ARHGAP10: variants seen among roughly 807,000 people sequenced by gnomAD.
ARHGAP10 encodes the protein Rho GTPase activating protein 10.
In ARHGAP10, 87 loss-of-function variants were observed where a neutral mutation model predicts 108.6. The ratio of observed to expected loss-of-function variants is 0.80; its 90% CI spans 0.67 to 0.96. ARHGAP10 has a LOEUF of 0.96. ARHGAP10 is among the 40% of genes least tolerant of loss of function. The pLI is 0.00. For synonymous variants in ARHGAP10, 347 were observed against 341.1 expected, an observed-to-expected ratio of 1.02 and a Z score of -0.19; for missense variants, 939 against 954.5, an observed-to-expected ratio of 0.98 and a Z score of 0.21.
chr4:148,071,276 G>A (rs1039360965), intron 22 of ARHGAP10, among the ~76,000 whole-genome samples: 4 of 152,228 alleles, frequency 2.6e-5, no homozygotes, highest in African/African-American at 7.2e-5. Context: ...CTGGAGGGGC[G>A]GCTGGAGCCA....
chr4:147,972,730 A>G (rs1739457513), intron 18 of ARHGAP10, among the ~76,000 whole-genome samples: 1 of 151,412 alleles, frequency 6.6e-6, no homozygotes, highest in South Asian at 2.1e-4. Context: ...AACCAGTGGC[A>G]TGAGTGAGCT....
intron 17 of ARHGAP10, among the ~76,000 whole-genome samples, chr4:147,966,138 C>G (rs966523093): frequency 6.6e-6 from 1 of 152,118 alleles, no homozygotes; most frequent in Non-Finnish European, 1.5e-5. Context: ...GTCTAGTATT[C>G]CTTGGAAGCA....
chr4:147,784,799 T>A (rs867966616), intron 1 of ARHGAP10, among the ~76,000 whole-genome samples: 5 of 22,268 alleles, frequency 2.2e-4, no homozygotes, highest in African/African-American at 3.2e-4. Context: ...ATATATATTA[T>A]AAATATAATA....
At chr4:147,806,495 G>T (rs1025112217) in intron 1 of ARHGAP10, among the ~76,000 whole-genome samples, 2 of 151,432 alleles carry the variant, frequency 1.3e-5, no homozygotes, top group Admixed American at 6.6e-5. Context: ...CTGTTTTTGG[G>T]GGGGCGGGGG....
intron 1 of ARHGAP10, among the ~76,000 whole-genome samples, chr4:147,768,546 T>G (rs923975420): frequency 6.6e-6 from 1 of 152,200 alleles, no homozygotes; most frequent in Non-Finnish European, 1.5e-5. Context: ...GAATTTTACT[T>G]ACTAAATTTT....
intron 1 of ARHGAP10, among the ~76,000 whole-genome samples, chr4:147,783,261 T>A (rs951466249): frequency 6.9e-6 from 1 of 144,906 alleles, no homozygotes; most frequent in Non-Finnish European, 1.5e-5. Flanking sequence ...TTATGTATTG[T>A]ATAATTTATA....
chr4:147,895,162 AT>A (rs955771863), intron 10 of ARHGAP10, among the ~76,000 whole-genome samples: 164 of 146,908 alleles, frequency 1.1e-3, no homozygotes, highest in African/African-American at 2.4e-3. Context: ...AGTCATGGGC[AT>A]TTTTTTTTTG....
intron 3 of ARHGAP10, among the ~76,000 whole-genome samples, chr4:147,825,642 A>C (rs181291501): frequency 2.0e-5 from 3 of 152,318 alleles, no homozygotes; most frequent in Admixed American, 2.0e-4. Context: ...TGTAGTCATC[A>C]ATTTTTCAGC....
intron 13 of ARHGAP10, among the ~76,000 whole-genome samples, chr4:147,924,765 T>C (rs933005741): frequency 1.3e-5 from 2 of 152,206 alleles, no homozygotes; most frequent in African/African-American, 4.8e-5. Flanking sequence ...TCTCTGTGTC[T>C]TTATCATCTG....
intron 18 of ARHGAP10, among the ~76,000 whole-genome samples, chr4:148,010,106 CTTTT>C (rs542731795): frequency 6.6e-6 from 1 of 151,264 alleles, no homozygotes. Context: ...TTCCCCTCCA[CTTTT>C]TTTTTGTCAT....
chr4:147,918,604 GC>G (rs1395555702), intron 13 of ARHGAP10, among the ~76,000 whole-genome samples: 1 of 152,044 alleles, frequency 6.6e-6, no homozygotes, highest in Non-Finnish European at 1.5e-5. Flanking sequence ...CTTTCTGTTG[GC>G]CATCCCTGGT....
intron 13 of ARHGAP10, among the ~76,000 whole-genome samples, chr4:147,921,147 A>G (rs1737215578): frequency 6.6e-6 from 1 of 152,252 alleles, no homozygotes; most frequent in Admixed American, 6.5e-5. Context: ...TAGATAGTGC[A>G]GATACAGCCG....
intron 1 of ARHGAP10, among the ~76,000 whole-genome samples, chr4:147,785,271 G>A (rs574601203): frequency 6.6e-6 from 1 of 151,842 alleles, no homozygotes; most frequent in African/African-American, 2.4e-5. Flanking sequence ...TCAAGTGATG[G>A]CTTGTTGTGT....
At chr4:147,853,865 T>C (rs1733978601) in intron 4 of ARHGAP10, among the ~76,000 whole-genome samples, 1 of 152,192 alleles carries the variant, frequency 6.6e-6, no homozygotes, top group Non-Finnish European at 1.5e-5. Flanking sequence ...TGTGACTCTT[T>C]CAATCCATCT....
intron 1 of ARHGAP10, among the ~76,000 whole-genome samples, chr4:147,747,688 C>T (rs545188470): frequency 8.5e-5 from 13 of 152,132 alleles, no homozygotes; most frequent in Non-Finnish European, 1.6e-4. Context: ...TTAATCTGAA[C>T]TTTTTCTTCC....
At position 148,000,324 on chromosome 4, in the gene ARHGAP10, C is replaced by G. The variant is rs544849503; in HGVS notation, c.1717-22939C>G. Among the ~76,000 whole-genome samples the G allele has an allele frequency of 1.1e-4, 16 of 152,258 alleles. No individual in the cohort carries two copies. In the East Asian group the frequency reaches 2.9e-3, roughly 28 times the overall value. On this transcript the variant is annotated intron_variant, in intron 18 of 22. Coordinates refer to ENST00000336498, the MANE Select transcript of ARHGAP10 (RefSeq NM_024605.4). ...GCCACATTTTCTTAATCCAGTCTAT[C>G]ATTGATGGACATTGGGGTTGGTTCC...
chr4:148,029,839 A>G (rs1350976322), intron 19 of ARHGAP10, among the ~76,000 whole-genome samples: 1 of 152,154 alleles, frequency 6.6e-6, no homozygotes, highest in Non-Finnish European at 1.5e-5. Context: ...TAGACAGATT[A>G]TTTCTTAACT....
At position 148,054,286 on chromosome 4, in the gene ARHGAP10, A is replaced by G. The variant is rs1334137684; in HGVS notation, c.2027+7235A>G. Among the ~76,000 whole-genome samples the G allele has an allele frequency of 3.3e-5, 5 of 152,294 alleles. No homozygotes were observed. In the East Asian group the frequency reaches 7.7e-4, roughly 23 times the overall value. On this transcript the variant is annotated intron_variant, in intron 20 of 22. Transcript: ENST00000336498. Reference sequence around the variant, plus strand: ...TTTCTTACAACCTTGAAGATCTTTTATATAAGTGATTTAAGCAAACCAGGG... The same window carrying G: ...TTTCTTACAACCTTGAAGATCTTTTGTATAAGTGATTTAAGCAAACCAGGG...
chr4:147,979,433 A>G (rs369173132), intron 18 of ARHGAP10, among the ~76,000 whole-genome samples: 14 of 151,786 alleles, frequency 9.2e-5, no homozygotes, highest in African/African-American at 2.9e-4. Flanking sequence ...TGCCCATACT[A>G]TGCTGTTTTG....
Sources: allele counts gnomAD v4.1 joint callset (sites outside exome capture counted in the v4.1 genomes callset), GRCh38; gene constraint gnomAD v4.1.1; transcripts MANE v1.5; gene names NCBI Gene and HGNC (gene_info 2026-07-23, HGNC 2026-07-21).